CHD6: variants seen among roughly 807,000 people sequenced by gnomAD.
The protein encoded by CHD6 is ATP-dependent chromatin remodeler CHD6.
A neutral mutation model predicts 276.9 loss-of-function variants in CHD6; 50 were observed. That is an observed-to-expected ratio of 0.18 (90% CI 0.14 to 0.23). The LOEUF is 0.23. CHD6 is among the 10% of genes least tolerant of loss of function. CHD6 has a pLI of 1.00. For synonymous variants in CHD6, 1,173 were observed against 1,229.3 expected (o/e 0.95, Z 0.96); for missense variants, 2,564 against 3,365.8 (o/e 0.76, Z 5.89).
Position 41,498,206 on chromosome 20 carries a change from C to G in CHD6, c.936G>C (p.Pro312=), listed in dbSNP as rs201340806. ...TVQEVHPGEP[P]FDLELFYVKY... is the part of the protein sequence containing the mutation. Reference sequence around the variant, plus strand: ...TAACGTAGAACAGCTCCAAGTCGAACGGAGGTTCTCCTGGGTGAACCTGTA... The same window carrying G: ...TAACGTAGAACAGCTCCAAGTCGAAGGGAGGTTCTCCTGGGTGAACCTGTA... Residue 312 remains proline (P), a synonymous_variant, in exon 7 of 37, where the codon CCG becomes CCC. Coordinates refer to ENST00000373233, the MANE Select transcript of CHD6 (RefSeq NM_032221.5). The G allele has an allele frequency of 3.1e-6, 5 of 1,611,442 alleles. No homozygotes were observed. The African/African-American group carries it at 6.7e-5, about 22-fold the overall frequency.
At chr20:41,553,240 T>C (rs867324156) in intron 1 of CHD6, among the ~76,000 whole-genome samples, 43 of 152,334 alleles carry the variant, frequency 2.8e-4, no homozygotes, top group African/African-American at 8.2e-4. Flanking sequence ...CAATAAGACA[T>C]ACGTGTAGAA....
At chr20:41,508,048 T>G (rs1158900862) in intron 5 of CHD6, among the ~76,000 whole-genome samples, 1 of 152,214 alleles carries the variant, frequency 6.6e-6, no homozygotes, top group East Asian at 1.9e-4. Flanking sequence ...AAATGCTAAT[T>G]GGTTAAACAG....
intron 8 of CHD6, among the ~76,000 whole-genome samples, 170 bp from the exon 9 acceptor site, chr20:41,494,114 T>A (rs1435509283): frequency 2.0e-5 from 3 of 152,222 alleles, no homozygotes; most frequent in African/African-American, 7.2e-5. Context: ...CTCCAAATCC[T>A]GCTCTCCATG....
At chr20:41,463,757 TG>T (rs1308406656) in intron 17 of CHD6, among the ~76,000 whole-genome samples, 4 of 152,184 alleles carry the variant, frequency 2.6e-5, no homozygotes, top group African/African-American at 9.7e-5. Flanking sequence ...AATCCTGGAC[TG>T]GGGAAATGAC....
rs569336912 is a variant in CHD6, at chr20:41,546,674, G to C, written c.33+4631C>G. Among the ~76,000 whole-genome samples, 122 of 152,212 alleles carry C rather than the reference G, an allele frequency of 8.0e-4. 1 individual carries two copies. Among genetic ancestry groups the C allele is most frequent in the African/African-American group, 2.7e-3 (112 of 41,534 alleles). On this transcript the variant is annotated intron_variant, in intron 2 of 36. Coordinates refer to ENST00000373233, the MANE Select transcript of CHD6 (RefSeq NM_032221.5). Reference sequence around the variant, plus strand: ...TATTATACATCAATAGTGCCACATAGGTTTTCAATGATTAGAGTTCACATT... The same window carrying C: ...TATTATACATCAATAGTGCCACATACGTTTTCAATGATTAGAGTTCACATT...
chr20:41,404,627 C>T lies in CHD6; in HGVS notation c.8114G>A (p.Gly2705Glu), dbSNP rs750030866. ...GTCGTTGTTGGAGTCTTTGAGTGCC[C>T]CCTCCCCAGCCTGTGCCCCATGTTC... ...EREHGAQAGE[G>E]ALKDSNNDTN Residue 2705 changes from glycine to glutamate, a missense_variant, in exon 37 of 37, where the codon GGG becomes GAG. Coordinates refer to ENST00000373233, the MANE Select transcript of CHD6 (RefSeq NM_032221.5). The T allele has an allele frequency of 2.0e-6, 3 of 1,499,692 alleles. No homozygotes were observed. Among genetic ancestry groups the T allele is most frequent in the Admixed American group, 2.3e-5 (1 of 43,736 alleles). 92.9% of individuals were successfully genotyped at this position (1,499,692 alleles called of 1,614,324 possible). A position where few individuals can be genotyped will look rare whatever the true frequency, so the allele number is the denominator to read the frequency against.
In CHD6 at chr20:41,498,062, C is replaced by G; in HGVS notation, c.974+106G>C. ...AGTCAGCCAAGACCTGTGGGTCATG[C>G]CTTAGAGGCAAGACTCTGAAGATGT... is the stretch of plus-strand genomic sequence containing the variant. On this transcript the variant is annotated intron_variant, in intron 7 of 36. Transcript: ENST00000373233. The G allele has an allele frequency of 3.8e-6, 3 of 787,330 alleles. No individual in the cohort carries two copies. The South Asian group carries it at 4.8e-5, about 13-fold the overall frequency. The allele number at this position is 787,330 out of a possible 1,614,324, so 48.8% of individuals were successfully genotyped here.
chr20:41,546,697 ATTTTAT>A (rs1419598641), intron 2 of CHD6, among the ~76,000 whole-genome samples: 1 of 152,198 alleles, frequency 6.6e-6, no homozygotes, highest in Non-Finnish European at 1.5e-5. Context: ...TAGAGTTCAC[ATTTTAT>A]TTTTATAATT....
At chr20:41,418,277 T>C (rs2145441054) in intron 31 of CHD6, among the ~76,000 whole-genome samples, 1 of 151,976 alleles carries the variant, frequency 6.6e-6, no homozygotes, top group Middle Eastern at 3.4e-3. Context: ...TCAGCTGTGA[T>C]AAGTACTATC....
intron 32 of CHD6, 68 bp downstream of exon 32, chr20:41,417,130 G>A: frequency 7.0e-7 from 1 of 1,418,726 alleles, no homozygotes. Flanking sequence ...TTCTAAAAGG[G>A]TTAAAAAAAG....
chr20:41,602,157 A>G (rs2045779769), intron 1 of CHD6, among the ~76,000 whole-genome samples: 1 of 152,206 alleles, frequency 6.6e-6, no homozygotes, highest in South Asian at 2.1e-4. Context: ...CTGATCAAAT[A>G]CCCATGTCCC....
intron 26 of CHD6, among the ~76,000 whole-genome samples, chr20:41,439,779 G>A (rs945205502): frequency 3.9e-5 from 6 of 152,222 alleles, no homozygotes; most frequent in African/African-American, 1.2e-4. Flanking sequence ...TGAGGAACAG[G>A]AACCGGTATT....
chr20:41,498,465 G>A lies in CHD6; in HGVS notation c.916-239C>T, dbSNP rs150536972. Among the ~76,000 whole-genome samples, 975 of 152,202 alleles carry A rather than the reference G, an allele frequency of 6.4e-3. 11 individuals carry two copies. The highest frequency in any genetic ancestry group is 0.024 in the Middle Eastern group (7 of 294). On this transcript the variant is annotated intron_variant, in intron 6 of 36. Coordinates refer to ENST00000373233, the MANE Select transcript of CHD6 (RefSeq NM_032221.5). ...GTCCTTCCAAGGTCTAGGCTGGGACGGCACTCAGCTGATAAACCCAAACTG... is the reference window on the plus strand; with the variant it reads ...GTCCTTCCAAGGTCTAGGCTGGGACAGCACTCAGCTGATAAACCCAAACTG...
chr20:41,450,568 G>A (rs754133803), intron 23 of CHD6, among the ~76,000 whole-genome samples: 84 of 152,046 alleles, frequency 5.5e-4, no homozygotes, highest in Middle Eastern at 3.4e-3. Context: ...GGCCATGAAT[G>A]GCAACAGCAA....
intron 3 of CHD6, among the ~76,000 whole-genome samples, chr20:41,521,718 C>G (rs1390589882): frequency 1.3e-5 from 2 of 152,128 alleles, no homozygotes; most frequent in Non-Finnish European, 2.9e-5. Flanking sequence ...CACTGAAGCT[C>G]CTCACAGAAA....
chr20:41,457,600 C>A (rs565141608), intron 17 of CHD6, among the ~76,000 whole-genome samples, 172 bp from the exon 18 acceptor site: 6 of 152,196 alleles, frequency 3.9e-5, no homozygotes, highest in African/African-American at 1.2e-4. Flanking sequence ...TGCCACCCTC[C>A]GTGGCCACTC....
At chr20:41,535,552 G>A (rs754734142) in intron 2 of CHD6, among the ~76,000 whole-genome samples, 14 of 152,134 alleles carry the variant, frequency 9.2e-5, no homozygotes, top group Non-Finnish European at 1.6e-4. Flanking sequence ...CAGCATGATG[G>A]AACTTGGTTA....
intron 27 of CHD6, among the ~76,000 whole-genome samples, chr20:41,429,808 T>C (rs1210221388): frequency 6.6e-6 from 1 of 152,150 alleles, no homozygotes; most frequent in African/African-American, 2.4e-5. Context: ...TCCTCTTGTT[T>C]TCCCCATGAA....
chr20:41,416,163 T>A (rs553693404), intron 33 of CHD6, among the ~76,000 whole-genome samples: 1 of 152,202 alleles, frequency 6.6e-6, no homozygotes, highest in Non-Finnish European at 1.5e-5. Flanking sequence ...TCAGCTTCCA[T>A]TGTTAGAGCT....
Sources: allele counts gnomAD v4.1 joint callset (sites outside exome capture counted in the v4.1 genomes callset), GRCh38; gene constraint gnomAD v4.1.1; transcripts MANE v1.5; gene names NCBI Gene and HGNC (gene_info 2026-07-23, HGNC 2026-07-21).